SH3D19: variants seen among roughly 807,000 people sequenced by gnomAD.
SH3D19 encodes SH3 domain-containing protein 19.
A neutral mutation model predicts 112.1 loss-of-function variants in SH3D19; 58 were observed. The observed-to-expected ratio is 0.52, with a 90% confidence interval of 0.42 to 0.64. SH3D19 has a LOEUF of 0.64. Ranked by LOEUF, SH3D19 falls within the 30% of genes least tolerant of loss-of-function variation. The pLI is 0.00. For missense variants in SH3D19, 1,090 were observed against 1,263.4 expected, an observed-to-expected ratio of 0.86 and a Z score of 2.08; for synonymous variants, 391 against 448.5, an observed-to-expected ratio of 0.87 and a Z score of 1.62.
chr4:151,135,090 A>C lies in SH3D19; in HGVS notation c.2470T>G (p.Ser824Ala), dbSNP rs753019192. The change falls in exon 15 of 20, where the codon TCA (serine) becomes GCA (alanine). Residue 824 changes from serine (S) to alanine (A), a missense_variant. Transcript: ENST00000604030. ...AAAACTTACTTAACACAATGAGATG[A>C]AACACATTCTCTTTTCCCATTTCCT... ...EGGNGKRECV[S>A]SHCVKGSRCV... The C allele has an allele frequency of 1.2e-5, 20 of 1,604,838 alleles. 1 individual carries two copies. The South Asian group carries it at 2.0e-4, about 16-fold the overall frequency.
chr4:151,282,745 C>T (rs6850311), intron 1 of SH3D19, among the ~76,000 whole-genome samples: 132,280 of 152,054 alleles, frequency 0.87, 58,456 homozygotes, highest in Non-Finnish European at 0.96. Context: ...TCAAGTTTTA[C>T]GTCAACTCTT....
At chr4:151,191,607 C>T (rs957256672) in intron 2 of SH3D19, among the ~76,000 whole-genome samples, 1 of 152,048 alleles carries the variant, frequency 6.6e-6, no homozygotes, top group African/African-American at 2.4e-5. Flanking sequence ...ATGATATACC[C>T]ACTGGGGCAG....
intron 11 of SH3D19, among the ~76,000 whole-genome samples, chr4:151,145,793 C>A (rs1410149155): frequency 6.6e-6 from 1 of 152,216 alleles, no homozygotes; most frequent in Non-Finnish European, 1.5e-5. Flanking sequence ...GACCTGTTCT[C>A]AAATCTTGCT....
intron 7 of SH3D19, among the ~76,000 whole-genome samples, chr4:151,170,983 T>C (rs1758936723): frequency 6.6e-6 from 1 of 152,234 alleles, no homozygotes; most frequent in African/African-American, 2.4e-5. Flanking sequence ...TTTCACCTAA[T>C]AATATCTTGG....
At chr4:151,139,647 T>C (rs1579723273) in intron 13 of SH3D19, 128 bp downstream of exon 13, 1 of 722,006 alleles carries the variant, frequency 1.4e-6, no homozygotes. Context: ...TAAGATGACC[T>C]CTCCAGTCTC....
intron 9 of SH3D19, among the ~76,000 whole-genome samples, chr4:151,150,983 C>CA (rs1409555274): frequency 8.2e-6 from 1 of 121,848 alleles, no homozygotes; most frequent in Admixed American, 9.5e-5. Context: ...TTTTTGGAGA[C>CA]AGAGTCTCAC....
intron 7 of SH3D19, among the ~76,000 whole-genome samples, chr4:151,169,044 C>T (rs1758591037): frequency 1.3e-5 from 2 of 152,102 alleles, no homozygotes; most frequent in African/African-American, 2.4e-5. Context: ...GAAGAATGGC[C>T]TCAGGAAATC....
intron 2 of SH3D19, among the ~76,000 whole-genome samples, chr4:151,223,138 C>G (rs1473404022): frequency 2.6e-5 from 4 of 151,484 alleles, no homozygotes; most frequent in Admixed American, 1.3e-4. Flanking sequence ...AATTTTCCCC[C>G]TTTGCAATTA....
intron 2 of SH3D19, among the ~76,000 whole-genome samples, chr4:151,199,918 T>C (rs1298403111): frequency 6.6e-6 from 1 of 152,206 alleles, no homozygotes; most frequent in Non-Finnish European, 1.5e-5. Context: ...CTCCAAGGTT[T>C]TGGTACCAGG....
In SH3D19 at chr4:151,200,578, G is replaced by C. The variant is rs564123319; in HGVS notation, c.153-13115C>G. On this transcript the variant is annotated intron_variant, in intron 2 of 19. Transcript: ENST00000604030. ...GGTAGCTTTAAATTGGCCATGGTGG[G>C]AATATTTATCCCACAAAACTGGCAA... is the stretch of plus-strand genomic sequence containing the variant. Among the ~76,000 whole-genome samples, 22 of 152,182 alleles carry C rather than the reference G, an allele frequency of 1.4e-4. No individual in the cohort carries two copies. The South Asian group carries it at 4.6e-3, about 32-fold the overall frequency.
chr4:151,275,710 AG>A (rs1773543764), intron 1 of SH3D19, among the ~76,000 whole-genome samples: 1 of 151,544 alleles, frequency 6.6e-6, no homozygotes, highest in South Asian at 2.1e-4. Flanking sequence ...TTGTAGATAT[AG>A]GGTCTCACTG....
intron 7 of SH3D19, among the ~76,000 whole-genome samples, chr4:151,173,703 G>A (rs1486861489): frequency 6.6e-6 from 1 of 152,132 alleles, no homozygotes; most frequent in Non-Finnish European, 1.5e-5. Flanking sequence ...ATTTAATAAT[G>A]TGTATGTTTG....
Position 151,292,507 on chromosome 4 carries a change from T to C in SH3D19, c.112+32734A>G, listed in dbSNP as rs538181231. ...ACTTCACATCTATAAAAAAACACTTTAAATATTTGGAACAAAGGACATTAT... is the reference window on the plus strand; with the variant it reads ...ACTTCACATCTATAAAAAAACACTTCAAATATTTGGAACAAAGGACATTAT... On this transcript the variant is annotated intron_variant, in intron 1 of 19. Coordinates refer to ENST00000604030, the MANE Select transcript of SH3D19 (RefSeq NM_001378122.1). Among the ~76,000 whole-genome samples the C allele has an allele frequency of 3.3e-5, 5 of 152,304 alleles. No homozygotes were observed. In the East Asian group the frequency reaches 9.6e-4, roughly 29 times the overall value.
At chr4:151,295,808 C>T (rs1345840225) in intron 1 of SH3D19, among the ~76,000 whole-genome samples, 1 of 152,150 alleles carries the variant, frequency 6.6e-6, no homozygotes, top group East Asian at 1.9e-4. Flanking sequence ...GAGGCTGAGG[C>T]GGGCGGATCA....
chr4:151,217,346 G>A (rs920358386), intron 2 of SH3D19, among the ~76,000 whole-genome samples: 1 of 152,102 alleles, frequency 6.6e-6, no homozygotes, highest in Non-Finnish European at 1.5e-5. Flanking sequence ...TCAACAAAAG[G>A]ATACCAATGC....
At chr4:151,135,306 TA>T (rs1177546701) in intron 14 of SH3D19, among the ~76,000 whole-genome samples, 174 bp from the exon 15 acceptor site, 3 of 150,326 alleles carry the variant, frequency 2.0e-5, no homozygotes, top group East Asian at 1.9e-4. Flanking sequence ...GAATTTGGAT[TA>T]AAAAAAAAGT....
intron 11 of SH3D19, among the ~76,000 whole-genome samples, chr4:151,145,204 C>T (rs972742593): frequency 6.6e-6 from 1 of 152,008 alleles, no homozygotes; most frequent in Non-Finnish European, 1.5e-5. Context: ...CTATATATAC[C>T]ATCATTTTGA....
intron 1 of SH3D19, among the ~76,000 whole-genome samples, chr4:151,319,419 T>C (rs1024797419): frequency 4.6e-5 from 7 of 152,222 alleles, no homozygotes; most frequent in African/African-American, 1.2e-4. Flanking sequence ...ATAGTTTCCA[T>C]GGAACTTAAA....
chr4:151,245,143 C>CAAAAA (rs1168475729), intron 1 of SH3D19, among the ~76,000 whole-genome samples: 1 of 120,928 alleles, frequency 8.3e-6, no homozygotes, highest in African/African-American at 2.8e-5. Flanking sequence ...AACTCCATCT[C>CAAAAA]AAAAAAATAA....
Sources: allele counts gnomAD v4.1 joint callset (sites outside exome capture counted in the v4.1 genomes callset), GRCh38; gene constraint gnomAD v4.1.1; transcripts MANE v1.5; gene names NCBI Gene and HGNC (gene_info 2026-07-23, HGNC 2026-07-21).